KCNT1: variants seen among roughly 807,000 people sequenced by gnomAD.
KCNT1 encodes the protein potassium sodium-activated channel subfamily T member 1, also known as potassium channel subfamily T member 1.
In KCNT1, 78 loss-of-function variants were observed where a neutral mutation model predicts 147.8. That is an observed-to-expected ratio of 0.53 (90% CI 0.44 to 0.64). The LOEUF (loss-of-function observed/expected upper bound fraction) is 0.64. Among genes scored for constraint, KCNT1 ranks in the 30% least tolerant of loss-of-function variants. KCNT1 has a pLI of 0.00. For missense variants in KCNT1, 1,419 were observed against 1,750.3 expected (o/e 0.81, Z 3.38); for synonymous variants, 867 against 748.8 (o/e 1.16, Z -2.58).
intron 29 of KCNT1, chr9:135,789,598 T>G (rs898166790): frequency 7.9e-5 from 12 of 152,250 alleles, no homozygotes; most frequent in African/African-American, 2.9e-4. Flanking sequence ...GCGGTAGCTC[T>G]GGCCTGGCGT....
intron 2 of KCNT1, among the ~76,000 whole-genome samples, chr9:135,735,131 C>T (rs1171556034): frequency 4.6e-5 from 7 of 152,298 alleles, no homozygotes; most frequent in South Asian, 4.1e-4. Context: ...GTACAAACAG[C>T]GCTCTCCCCT....
At chr9:135,753,298 T>C (rs991904392) in intron 4 of KCNT1, among the ~76,000 whole-genome samples, 3 of 152,180 alleles carry the variant, frequency 2.0e-5, no homozygotes, top group East Asian at 1.9e-4. Flanking sequence ...ACCAGGGGCC[T>C]TGTGAGCAGT....
chr9:135,791,982 G>GCCCCT, intron 30 of KCNT1, 59 bp from the exon 31 acceptor site: 2 of 1,605,670 alleles, frequency 1.2e-6, no homozygotes, highest in Non-Finnish European at 1.7e-6. Flanking sequence ...CTCAGCAGAG[G>GCCCCT]GCTGAGCAGG....
chr9:135,760,781 TCTC>T (rs1831861860), intron 11 of KCNT1, among the ~76,000 whole-genome samples: 1 of 152,176 alleles, frequency 6.6e-6, no homozygotes. Flanking sequence ...TGGCTTCTGT[TCTC>T]CTGAGTTCAG....
intron 29 of KCNT1, chr9:135,790,814 G>C (rs144130235): frequency 0.018 from 2,816 of 152,412 alleles, 52 homozygotes; most frequent in Non-Finnish European, 0.027. Flanking sequence ...AGGAATCCAG[G>C]AGCTTCCCGT....
At chr9:135,708,553 T>G (rs570672601) in intron 1 of KCNT1, among the ~76,000 whole-genome samples, 12 of 152,284 alleles carry the variant, frequency 7.9e-5, no homozygotes, top group East Asian at 5.8e-4. Context: ...ACAATCTTTT[T>G]TTGTTGTTGT....
chr9:135,757,282 C>T lies in KCNT1; in HGVS notation c.676-16C>T. Reference sequence around the variant, plus strand: ...GCGGGCCCTGGAGCCCCAGCCCTGACCTGTCCCCTTCACAGATCTTCTGGC... The same window carrying T: ...GCGGGCCCTGGAGCCCCAGCCCTGATCTGTCCCCTTCACAGATCTTCTGGC... On this transcript the variant is annotated splice_polypyrimidine_tract_variant and intron_variant, in intron 8 of 30. Transcript: ENST00000371757. The T allele has an allele frequency of 6.2e-7, 1 of 1,612,766 alleles. No individual in the cohort carries two copies. The highest frequency in any genetic ancestry group is 2.2e-5 in the East Asian group (1 of 44,856).
At chr9:135,756,997 C>A (rs190421167) in intron 7 of KCNT1, 65 bp downstream of exon 7, 1 of 1,077,792 alleles carries the variant, frequency 9.3e-7, no homozygotes, top group East Asian at 2.7e-5. Context: ...CCCCAGCCTC[C>A]CCCACCTCCC....
At chr9:135,716,272 C>T (rs1481243710) in intron 2 of KCNT1, among the ~76,000 whole-genome samples, 2 of 152,162 alleles carry the variant, frequency 1.3e-5, no homozygotes, top group Non-Finnish European at 2.9e-5. Context: ...GCCTGGGGCT[C>T]CCAGATGACT....
intron 2 of KCNT1, among the ~76,000 whole-genome samples, chr9:135,745,336 C>T (rs954174879): frequency 6.6e-6 from 1 of 152,206 alleles, no homozygotes; most frequent in African/African-American, 2.4e-5. Flanking sequence ...CGCCCAGCTC[C>T]TGGGAGCAAC....
At chr9:135,711,296 C>G (rs917851840) in intron 1 of KCNT1, among the ~76,000 whole-genome samples, 1 of 152,162 alleles carries the variant, frequency 6.6e-6, no homozygotes, top group African/African-American at 2.4e-5. Context: ...CCACCGGGAA[C>G]AGATGCAGGG....
chr9:135,711,667 T>C (rs1441669113), intron 1 of KCNT1, among the ~76,000 whole-genome samples: 1 of 152,220 alleles, frequency 6.6e-6, no homozygotes, highest in Admixed American at 6.5e-5. Flanking sequence ...GGACTTCCTG[T>C]TGCCGTGCCC....
At chr9:135,779,579 G>A (rs880929) in intron 24 of KCNT1, 109 bp downstream of exon 24, 14 of 805,022 alleles carry the variant, frequency 1.7e-5, no homozygotes, top group South Asian at 3.1e-5. Context: ...GGCTCCTGCC[G>A]CCCTCCTGCT....
At chr9:135,712,014 C>A (rs1436969631) in intron 1 of KCNT1, among the ~76,000 whole-genome samples, 1 of 152,198 alleles carries the variant, frequency 6.6e-6, no homozygotes, top group Non-Finnish European at 1.5e-5. Context: ...TCGCCGGGGG[C>A]CGCCCAGCAG....
chr9:135,732,026 A>AGAGAGG (rs1564328318), intron 2 of KCNT1, among the ~76,000 whole-genome samples: 3 of 131,742 alleles, frequency 2.3e-5, no homozygotes, highest in Non-Finnish European at 4.9e-5. Context: ...AGAGAGAGAG[A>AGAGAGG]GAGAGAGAGA....
intron 2 of KCNT1, among the ~76,000 whole-genome samples, chr9:135,734,145 A>G (rs1830238312): frequency 6.6e-6 from 1 of 152,184 alleles, no homozygotes; most frequent in African/African-American, 2.4e-5. Flanking sequence ...CTAAAAGGGC[A>G]GTTGTTATTT....
chr9:135,770,329 C>T lies in KCNT1; in HGVS notation c.1651C>T (p.Arg551Cys), dbSNP rs749316999. 5 of 1,610,446 alleles carry T rather than the reference C, an allele frequency of 3.1e-6. No homozygotes were observed. Among genetic ancestry groups the T allele is most frequent in the Non-Finnish European group, 1.7e-6 (2 of 1,178,500 alleles). Residue 551 changes from arginine to cysteine, a missense_variant, in exon 17 of 31, where the codon CGC (arginine) becomes TGC (cysteine). Arg to Cys is a radical substitution (Grantham distance 180). Around this residue, in one of 5 missense-constraint regions of KCNT1, gnomAD observed 401 missense variants for 610.6 expected, o/e 0.66. Coordinates refer to ENST00000371757, the MANE Select transcript of KCNT1 (RefSeq NM_020822.3). ...ACAGGAGTCTCCGGAGCAGTGGCAG[C>T]GCATGTATGGGCGCTGCTCCGGCAA... ...EGQESPEQWQ[R>C]MYGRCSGNEV...
chr9:135,710,678 G>C (rs973600099), intron 1 of KCNT1, among the ~76,000 whole-genome samples: 1 of 152,182 alleles, frequency 6.6e-6, no homozygotes, highest in Non-Finnish European at 1.5e-5. Context: ...GCTGGACATT[G>C]GTGCTGGCAG....
rs1425840112 is a variant in KCNT1 at position 135,752,951 on chromosome 9, A to G, written c.435-986A>G. On this transcript the variant is annotated intron_variant, in intron 4 of 30. Coordinates refer to ENST00000371757, the MANE Select transcript of KCNT1 (RefSeq NM_020822.3). This position sits in a 1 kb window ranked among gnomAD's most constrained non-coding sequence, Gnocchi z 5.1. ...GATGGATGGACAGATAAGTAGATGG[A>G]TAGATGGATGAGTGGATGGATGATG... is the stretch of plus-strand genomic sequence containing the variant. Among the ~76,000 whole-genome samples the G allele has an allele frequency of 6.8e-6, 1 of 147,910 alleles. No individual in the cohort carries two copies. Among genetic ancestry groups the G allele is most frequent in the Admixed American group, 6.7e-5 (1 of 14,910 alleles).
Sources: allele counts gnomAD v4.1 joint callset (sites outside exome capture counted in the v4.1 genomes callset), GRCh38; gene constraint gnomAD v4.1.1; regional missense constraint gnomAD v4.1.1; non-coding constraint Gnocchi (gnomAD v3.1); transcripts MANE v1.5; gene names NCBI Gene and HGNC (gene_info 2026-07-23, HGNC 2026-07-21).